The following AUTS2 variants were observed in gnomAD, a reference collection of about 807,000 sequenced individuals.
AUTS2 encodes the protein activator of transcription and developmental regulator AUTS2, also known as autism susceptibility gene 2 protein.
A neutral mutation model predicts 112.4 loss-of-function variants in AUTS2; 17 were observed. That is an observed-to-expected ratio of 0.15 (90% CI 0.10 to 0.23). The LOEUF is 0.23. Among genes scored for constraint, AUTS2 ranks in the 10% least tolerant of loss-of-function variants. The pLI, the probability that AUTS2 is intolerant of heterozygous loss-of-function variation, is 1.00. For missense variants in AUTS2, 1,510 were observed against 1,701.6 expected, an observed-to-expected ratio of 0.89 and a Z score of 1.98; for synonymous variants, 751 against 702.7, an observed-to-expected ratio of 1.07 and a Z score of -1.09.
chr7:70,271,737 T>C (rs1256746403), intron 4 of AUTS2, among the ~76,000 whole-genome samples: 3 of 152,236 alleles, frequency 2.0e-5, no homozygotes, highest in Admixed American at 6.5e-5. Flanking sequence ...ACAGCAATTA[T>C]GTGTAAATGC....
In AUTS2 at chr7:70,073,696, G is replaced by A. The variant is rs146157795; in HGVS notation, c.523-44436G>A. On this transcript the variant is annotated intron_variant, in intron 2 of 18. Coordinates refer to ENST00000342771, the MANE Select transcript of AUTS2 (RefSeq NM_015570.4). Reference sequence around the variant, plus strand: ...TTGTTTACCAAAAAAAGTGAATTATGTGGTATATGGATTATTTCTCAATAA... The same window carrying A: ...TTGTTTACCAAAAAAAGTGAATTATATGGTATATGGATTATTTCTCAATAA... Among the ~76,000 whole-genome samples, 49 of 152,240 alleles carry A rather than the reference G, an allele frequency of 3.2e-4. No individual in the cohort carries two copies. In the East Asian group the frequency reaches 8.9e-3, roughly 28 times the overall value.
rs149222229 is a variant in AUTS2, at chr7:70,517,860, C to T, written c.690+82079C>T. 5.1e-3 allele frequency among the ~76,000 whole-genome samples: 773 copies of T among 152,050 alleles called. 8 individuals are homozygous for T. Among genetic ancestry groups the T allele is most frequent in the African/African-American group, 0.017 (711 of 41,494 alleles). Reference sequence around the variant, plus strand: ...CACACACACATACATGATTTGTATCCAGTTACATTAATGATGGAAATTGCT... The same window carrying T: ...CACACACACATACATGATTTGTATCTAGTTACATTAATGATGGAAATTGCT... On this transcript the variant is annotated intron_variant, in intron 5 of 18. Transcript: ENST00000342771.
At chr7:69,721,362 T>C (rs1282124082) in intron 1 of AUTS2, among the ~76,000 whole-genome samples, 1 of 152,164 alleles carries the variant, frequency 6.6e-6, no homozygotes, top group East Asian at 1.9e-4. Context: ...TTAGTGACCA[T>C]TCTGTCTGAA....
chr7:70,118,125 C>G lies in AUTS2; in HGVS notation c.523-7C>G. ...TTTTCCTTTTTTCTCTTTTCTTTTG[C>G]CTTTAGCTCAAGCCAGGACAGAACA... On this transcript the variant is annotated splice_polypyrimidine_tract_variant and splice_region_variant and intron_variant, in intron 2 of 18. Coordinates refer to ENST00000342771, the MANE Select transcript of AUTS2 (RefSeq NM_015570.4). 6.3e-7 allele frequency: 1 copy of G among 1,577,372 alleles called. No homozygotes were observed. The highest frequency in any genetic ancestry group is 8.6e-7 in the Non-Finnish European group (1 of 1,168,616).
chr7:70,789,513 C>T (rs1200172172), intron 18 of AUTS2, among the ~76,000 whole-genome samples: 1 of 152,052 alleles, frequency 6.6e-6, no homozygotes, highest in Non-Finnish European at 1.5e-5. Context: ...CCAGCAGACT[C>T]CCCCTCACCC....
chr7:70,571,865 C>T (rs1264578641), intron 5 of AUTS2, among the ~76,000 whole-genome samples: 1 of 152,136 alleles, frequency 6.6e-6, no homozygotes. Context: ...GTTCTAGCAG[C>T]CATCATGAGG....
At chr7:69,659,317 A>G (rs1795679234) in intron 1 of AUTS2, among the ~76,000 whole-genome samples, 1 of 152,218 alleles carries the variant, frequency 6.6e-6, no homozygotes, top group South Asian at 2.1e-4. Flanking sequence ...TAGGAATCTC[A>G]GGTCAGACCC....
At chr7:70,546,512 C>T (rs1800788986) in intron 5 of AUTS2, among the ~76,000 whole-genome samples, 1 of 151,944 alleles carries the variant, frequency 6.6e-6, no homozygotes, top group African/African-American at 2.4e-5. Flanking sequence ...GGCGTGGTAG[C>T]TCATGCCTGT....
At chr7:69,706,000 G>A (rs1017252068) in intron 1 of AUTS2, among the ~76,000 whole-genome samples, 12 of 151,742 alleles carry the variant, frequency 7.9e-5, no homozygotes, top group Non-Finnish European at 5.9e-5. Flanking sequence ...CTCCAAATAC[G>A]GTTTCATTCT....
chr7:70,386,740 T>C (rs916182342), intron 4 of AUTS2, among the ~76,000 whole-genome samples: 3 of 152,162 alleles, frequency 2.0e-5, no homozygotes, highest in South Asian at 2.1e-4. Context: ...TTTACCTACA[T>C]TACCCTTCTA....
Position 69,599,594 on chromosome 7 carries a change from T to A in AUTS2, c.-60T>A. The A allele has an allele frequency of 8.1e-7, 1 of 1,242,176 alleles. No homozygotes were observed. The highest frequency in any genetic ancestry group is 3.2e-5 in the East Asian group (1 of 30,956). 76.9% of individuals were successfully genotyped at this position (1,242,176 alleles called of 1,614,324 possible). On this transcript the variant is annotated 5_prime_UTR_variant, in exon 1 of 19. Transcript: ENST00000342771. The surrounding 1 kb of genome is among the most constrained non-coding windows in gnomAD (Gnocchi z 7.0). ...GGAGGGCTCGGTGTCAATTTTTTTT[T>A]GTGTGGCTGCGGCCGTAGCCTGTGG...
At chr7:70,458,204 A>T (rs1796822874) in intron 5 of AUTS2, among the ~76,000 whole-genome samples, 1 of 152,184 alleles carries the variant, frequency 6.6e-6, no homozygotes, top group African/African-American at 2.4e-5. Context: ...CAATGCTCCA[A>T]TTCACAGTGA....
rs552435393 is a variant in AUTS2, at chr7:69,888,817, A to G, written c.310-10469A>G. On this transcript the variant is annotated intron_variant, in intron 1 of 18. Transcript: ENST00000342771. ...TCGAACTCCTGAGCTCAGGCAATCC[A>G]CCTGCCTTGGCCTCCCAAAGTGCTA... Among the ~76,000 whole-genome samples the G allele has an allele frequency of 1.4e-4, 22 of 151,892 alleles. No homozygotes were observed. In the East Asian group the frequency reaches 4.1e-3, roughly 28 times the overall value.
chr7:70,443,133 G>T (rs907174642), intron 5 of AUTS2, among the ~76,000 whole-genome samples: 1 of 152,138 alleles, frequency 6.6e-6, no homozygotes, highest in Non-Finnish European at 1.5e-5. Context: ...AGTTATAAAT[G>T]TACAGATTTT....
intron 1 of AUTS2, among the ~76,000 whole-genome samples, chr7:69,826,475 C>G (rs1314837442): frequency 6.6e-6 from 1 of 152,304 alleles, no homozygotes; most frequent in East Asian, 1.9e-4. Context: ...CTAATGGCAT[C>G]TCAGGGTTCT....
At chr7:69,806,080 G>A (rs1790288246) in intron 1 of AUTS2, among the ~76,000 whole-genome samples, 1 of 146,500 alleles carries the variant, frequency 6.8e-6, no homozygotes, top group South Asian at 2.2e-4. Context: ...TGTAACTTTT[G>A]ATAGAGACAC....
intron 5 of AUTS2, among the ~76,000 whole-genome samples, chr7:70,554,753 G>C (rs889335086): frequency 6.6e-6 from 1 of 152,182 alleles, no homozygotes; most frequent in Admixed American, 6.5e-5. Flanking sequence ...GGCTATACAG[G>C]CTGAAAAGCT....
At chr7:70,118,427 C>A in intron 3 of AUTS2, 194 bp downstream of exon 3, 1 of 644,790 alleles carries the variant, frequency 1.6e-6, no homozygotes, top group Non-Finnish European at 2.3e-6. Flanking sequence ...TCTAAAATGT[C>A]GTTTGAGCAA....
Position 70,526,713 on chromosome 7 carries a change from C to T in AUTS2, c.690+90932C>T, listed in dbSNP as rs11984074. On this transcript the variant is annotated intron_variant, in intron 5 of 18. Coordinates refer to ENST00000342771, the MANE Select transcript of AUTS2 (RefSeq NM_015570.4). ...TTCTGTTCTTCTCTTCATGACTGCCCGTCCAACTCCCTCTGCCCCCTGGCC... is the reference window on the plus strand; with the variant it reads ...TTCTGTTCTTCTCTTCATGACTGCCTGTCCAACTCCCTCTGCCCCCTGGCC... Among the ~76,000 whole-genome samples the T allele has an allele frequency of 6.6e-3, 1,010 of 152,234 alleles. 10 individuals are homozygous for T. The highest frequency in any genetic ancestry group is 0.023 in the African/African-American group (950 of 41,548).
Sources: gnomAD v4.1 joint callset for allele counts (sites outside exome capture counted in the v4.1 genomes callset) on GRCh38, gnomAD v4.1.1 for gene constraint, Gnocchi (gnomAD v3.1) non-coding constraint, MANE v1.5 for transcripts, NCBI Gene and HGNC (gene_info 2026-07-23, HGNC 2026-07-21) for gene names.